Variants in EYS observed in about 807,000 individuals in gnomAD.
EYS encodes protein eyes shut homolog.
Under a neutral mutation model 282.1 loss-of-function variants are expected in EYS, and 250 were observed. That is an observed-to-expected ratio of 0.89 (90% CI 0.80 to 0.98). EYS has a LOEUF of 0.98. EYS is among the 50% of genes least tolerant of loss of function. EYS has a pLI of 0.00. For synonymous variants in EYS, 1,355 were observed against 1,282.9 expected (o/e 1.06, Z -1.20); for missense variants, 4,016 against 3,709.0 (o/e 1.08, Z -2.15).
chr6:64,833,716 C>A (rs1765293795), intron 19 of EYS, among the ~76,000 whole-genome samples: 1 of 151,678 alleles, frequency 6.6e-6, no homozygotes, highest in Non-Finnish European at 1.5e-5. Context: ...CTTTAATTGC[C>A]ATTATTAGTT....
chr6:65,588,675 G>A (rs964793183), intron 2 of EYS, among the ~76,000 whole-genome samples: 2 of 151,940 alleles, frequency 1.3e-5, no homozygotes, highest in African/African-American at 4.8e-5. Flanking sequence ...TTTGGCAAAG[G>A]GATGGGCTCC....
At chr6:65,610,657 C>T (rs1026314391) in intron 2 of EYS, among the ~76,000 whole-genome samples, 2 of 152,040 alleles carry the variant, frequency 1.3e-5, no homozygotes, top group Non-Finnish European at 2.9e-5. Context: ...CCTAACTGTA[C>T]TTTATTTAAA....
At chr6:65,446,436 T>C (rs1360956357) in intron 5 of EYS, among the ~76,000 whole-genome samples, 1 of 151,878 alleles carries the variant, frequency 6.6e-6, no homozygotes, top group Non-Finnish European at 1.5e-5. Context: ...TATAAATGTT[T>C]TTAAATGCTT....
At chr6:63,913,683 A>C (rs1254350774) in intron 35 of EYS, among the ~76,000 whole-genome samples, 1 of 152,224 alleles carries the variant, frequency 6.6e-6, no homozygotes, top group Non-Finnish European at 1.5e-5. Context: ...TTATTACAAT[A>C]GTTTTCTTCC....
chr6:64,774,395 C>T (rs146766329), intron 22 of EYS, among the ~76,000 whole-genome samples: 331 of 151,988 alleles, frequency 2.2e-3, no homozygotes, highest in Middle Eastern at 6.8e-3. Flanking sequence ...GCAGATTTAT[C>T]TCCACTCAAT....
intron 33 of EYS, among the ~76,000 whole-genome samples, chr6:64,000,168 C>CTTTCAGTTTTTT (rs1562142218): frequency 2.3e-5 from 1 of 42,716 alleles, no homozygotes; most frequent in Non-Finnish European, 4.4e-5. Flanking sequence ...AGACATGGGA[C>CTTTCAGTTTTTT]TTTTTTTTTT....
intron 34 of EYS, among the ~76,000 whole-genome samples, chr6:63,986,133 A>C (rs958566550): frequency 6.6e-6 from 1 of 152,012 alleles, no homozygotes; most frequent in Non-Finnish European, 1.5e-5. Flanking sequence ...ACACTTTTCA[A>C]AAGAAGATAT....
At chr6:64,791,035 T>G (rs914407753) in intron 22 of EYS, among the ~76,000 whole-genome samples, 6 of 151,894 alleles carry the variant, frequency 4.0e-5, no homozygotes, top group Non-Finnish European at 3.0e-5. Flanking sequence ...AATCTCCTTA[T>G]GCTGTTTCTT....
At chr6:64,786,914 T>C (rs188281190) in intron 22 of EYS, among the ~76,000 whole-genome samples, 3 of 152,214 alleles carry the variant, frequency 2.0e-5, no homozygotes, top group Non-Finnish European at 2.9e-5. Context: ...CCTTTTCATA[T>C]GCTGCCAAGA....
intron 26 of EYS, among the ~76,000 whole-genome samples, chr6:64,569,512 T>TG (rs955631216): frequency 4.7e-5 from 7 of 149,964 alleles, no homozygotes; most frequent in South Asian, 2.1e-4. Context: ...GAGGCGGAGG[T>TG]GGGGGGGTCA....
At chr6:65,350,161 A>T (rs1256809622) in intron 9 of EYS, among the ~76,000 whole-genome samples, 1 of 151,504 alleles carries the variant, frequency 6.6e-6, no homozygotes, top group African/African-American at 2.4e-5. Context: ...CTTCAACTAA[A>T]GATTAAAACT....
intron 2 of EYS, among the ~76,000 whole-genome samples, chr6:65,608,500 A>G (rs541071845): frequency 9.0e-4 from 137 of 151,800 alleles, no homozygotes; most frequent in Middle Eastern, 3.4e-3. Flanking sequence ...TGTACACTTT[A>G]TAAACACTGT....
At chr6:64,955,810 T>TC (rs1460007371) in intron 14 of EYS, among the ~76,000 whole-genome samples, 1 of 152,108 alleles carries the variant, frequency 6.6e-6, no homozygotes, top group Admixed American at 6.6e-5. Flanking sequence ...TTCTTATTTT[T>TC]CCCCACAGAA....
intron 1 of EYS, among the ~76,000 whole-genome samples, chr6:65,682,716 A>G (rs1768877876): frequency 1.3e-5 from 2 of 151,942 alleles, no homozygotes; most frequent in Non-Finnish European, 2.9e-5. Flanking sequence ...ACCACATTCA[A>G]AGAAGTCAGA....
chr6:65,056,865 T>C (rs1773432715), intron 13 of EYS, among the ~76,000 whole-genome samples: 1 of 152,056 alleles, frequency 6.6e-6, no homozygotes, highest in South Asian at 2.1e-4. Flanking sequence ...TATATTCTTA[T>C]TGTCATTTAA....
intron 36 of EYS, among the ~76,000 whole-genome samples, chr6:63,826,870 AAAAC>A (rs1354253402): frequency 6.6e-6 from 1 of 150,970 alleles, no homozygotes; most frequent in Admixed American, 6.6e-5. Flanking sequence ...AAAAAGGACA[AAAAC>A]AAAAAAAAAA....
intron 12 of EYS, among the ~76,000 whole-genome samples, chr6:65,271,324 C>T (rs551340954): frequency 2.0e-3 from 295 of 151,042 alleles, no homozygotes; most frequent in African/African-American, 6.8e-3. Flanking sequence ...GAACCAGAAG[C>T]ACTCATGGCA....
At chr6:64,156,715 T>C (rs1774934116) in intron 31 of EYS, among the ~76,000 whole-genome samples, 1 of 152,144 alleles carries the variant, frequency 6.6e-6, no homozygotes. Flanking sequence ...TGTTATGTTT[T>C]AGCAAAGAGA....
intron 2 of EYS, among the ~76,000 whole-genome samples, chr6:65,499,314 G>A (rs1442332316): frequency 6.6e-6 from 1 of 151,984 alleles, no homozygotes; most frequent in Non-Finnish European, 1.5e-5. Flanking sequence ...AATAGAACAT[G>A]CTCATTATAA....
Sources: allele counts gnomAD v4.1 joint callset (sites outside exome capture counted in the v4.1 genomes callset), GRCh38; gene constraint gnomAD v4.1.1; transcripts MANE v1.5; gene names NCBI Gene and HGNC (gene_info 2026-07-23, HGNC 2026-07-21).